Variants in MAML3 observed in about 807,000 individuals in gnomAD.
MAML3 encodes mastermind like transcriptional coactivator 3, also known as mastermind-like protein 3.
MAML3 carries 27 observed loss-of-function variants against 101.9 expected under a neutral mutation model. That is an observed-to-expected ratio of 0.27 (90% CI 0.20 to 0.37). The LOEUF is 0.37. Among genes scored for constraint, MAML3 ranks in the 10% least tolerant of loss-of-function variants. MAML3 has a pLI of 1.00. For synonymous variants in MAML3, 501 were observed against 555.9 expected, an observed-to-expected ratio of 0.90 and a Z score of 1.39; for missense variants, 1,316 against 1,444.9, an observed-to-expected ratio of 0.91 and a Z score of 1.45.
intron 2 of MAML3, among the ~76,000 whole-genome samples, chr4:139,849,133 T>C (rs1472480468): frequency 6.6e-6 from 1 of 152,220 alleles, no homozygotes; most frequent in African/African-American, 2.4e-5. Flanking sequence ...TCATCTTTTT[T>C]CAAATGGATT....
chr4:139,931,935 C>G (rs1276354544), intron 1 of MAML3, among the ~76,000 whole-genome samples: 1 of 151,872 alleles, frequency 6.6e-6, no homozygotes, highest in East Asian at 1.9e-4. Context: ...AGGAGAATTG[C>G]TTGAACCTGG....
At chr4:139,968,996 C>T (rs776555832) in intron 1 of MAML3, among the ~76,000 whole-genome samples, 102 of 151,788 alleles carry the variant, frequency 6.7e-4, no homozygotes, top group Non-Finnish European at 1.4e-3. Flanking sequence ...ACAAGCAGAG[C>T]AAGAGAAACA....
At chr4:139,793,258 T>A (rs1235051136) in intron 2 of MAML3, among the ~76,000 whole-genome samples, 1 of 152,164 alleles carries the variant, frequency 6.6e-6, no homozygotes, top group African/African-American at 2.4e-5. Context: ...CCTGCTTACA[T>A]CAGAGACCTG....
chr4:139,978,478 T>C (rs950378471), intron 1 of MAML3, among the ~76,000 whole-genome samples: 1 of 151,954 alleles, frequency 6.6e-6, no homozygotes, highest in Middle Eastern at 3.2e-3. Context: ...CCTGCAAAAA[T>C]GAAAATCTGC....
intron 2 of MAML3, among the ~76,000 whole-genome samples, chr4:139,847,097 C>T (rs1328780572): frequency 6.6e-6 from 1 of 152,192 alleles, no homozygotes; most frequent in African/African-American, 2.4e-5. Flanking sequence ...CTTGACAAAT[C>T]TCCCTCCCTC....
chr4:140,072,780 G>C (rs1446249868), intron 1 of MAML3, among the ~76,000 whole-genome samples: 3 of 152,150 alleles, frequency 2.0e-5, no homozygotes, highest in African/African-American at 7.2e-5. Context: ...TCTGTCAGGG[G>C]GTCCTGTAGC....
chr4:139,765,768 G>A (rs1105135), intron 2 of MAML3, among the ~76,000 whole-genome samples: 97,224 of 151,922 alleles, frequency 0.64, 32,598 homozygotes, highest in South Asian at 0.77. Context: ...CAGGAGGATC[G>A]CTCCAGGAGT....
intron 1 of MAML3, among the ~76,000 whole-genome samples, chr4:140,121,993 C>T (rs1486382148): frequency 1.3e-5 from 2 of 152,170 alleles, no homozygotes; most frequent in Admixed American, 6.5e-5. Flanking sequence ...CTTCTCCTTG[C>T]TGCCCCCATT....
At chr4:140,061,308 G>C (rs1210420109) in intron 1 of MAML3, among the ~76,000 whole-genome samples, 2 of 152,224 alleles carry the variant, frequency 1.3e-5, no homozygotes, top group Non-Finnish European at 2.9e-5. Flanking sequence ...TTATCAGAGA[G>C]AGAGATCTGC....
chr4:139,749,980 C>A (rs1207632205), intron 2 of MAML3, among the ~76,000 whole-genome samples: 1 of 149,038 alleles, frequency 6.7e-6, no homozygotes, highest in East Asian at 2.0e-4. Flanking sequence ...GCTATCATTT[C>A]ATTAATATGG....
intron 2 of MAML3, among the ~76,000 whole-genome samples, chr4:139,812,970 T>C (rs1469518744): frequency 2.2e-5 from 1 of 44,670 alleles, no homozygotes; most frequent in African/African-American, 1.0e-4. Context: ...TTCTCAGAAA[T>C]GTAAAAAAAA....
At chr4:140,070,842 T>C (rs1727639516) in intron 1 of MAML3, among the ~76,000 whole-genome samples, 1 of 152,206 alleles carries the variant, frequency 6.6e-6, no homozygotes, top group African/African-American at 2.4e-5. Context: ...TTGGTTAAGA[T>C]AGTCATCCAT....
intron 1 of MAML3, among the ~76,000 whole-genome samples, chr4:139,959,015 G>A (rs1733961187): frequency 6.6e-6 from 1 of 152,140 alleles, no homozygotes; most frequent in Non-Finnish European, 1.5e-5. Flanking sequence ...TTGCAGTTCT[G>A]AGACCATTTT....
At chr4:139,761,718 C>G (rs1177572044) in intron 2 of MAML3, among the ~76,000 whole-genome samples, 2 of 151,918 alleles carry the variant, frequency 1.3e-5, no homozygotes, top group Non-Finnish European at 2.9e-5. Context: ...GGCCCCTCAA[C>G]AGATGCCTGT....
At chr4:140,070,115 CAAAT>C (rs60471093) in intron 1 of MAML3, among the ~76,000 whole-genome samples, 23 of 149,866 alleles carry the variant, frequency 1.5e-4, no homozygotes, top group East Asian at 5.9e-4. Context: ...GACTCCATCT[CAAAT>C]AAATAAATAA....
At chr4:139,722,918 A>G (rs921275396) in intron 4 of MAML3, among the ~76,000 whole-genome samples, 8 of 152,190 alleles carry the variant, frequency 5.3e-5, no homozygotes, top group African/African-American at 1.9e-4. Context: ...TATATCTCAA[A>G]CCAATCAGTT....
intron 1 of MAML3, among the ~76,000 whole-genome samples, chr4:139,993,289 T>A (rs1349232802): frequency 6.6e-6 from 1 of 150,390 alleles, no homozygotes; most frequent in African/African-American, 2.4e-5. Context: ...GAGGTGGAGG[T>A]TGCAGTGAGC....
Position 139,890,905 on chromosome 4 carries a change from C to G in MAML3, c.531G>C (p.Gln177His), listed in dbSNP as rs1210615115. 7 of 1,613,624 alleles carry G rather than the reference C, an allele frequency of 4.3e-6. No individual in the cohort carries two copies. In the Admixed American group the frequency reaches 6.7e-5, roughly 15 times the overall value. The change falls in exon 2 of 5, where the codon CAG becomes CAC. Residue 177 changes from glutamine to histidine, a missense_variant. By Grantham distance (24) the Gln-to-His change is conservative. Coordinates refer to ENST00000509479, the MANE Select transcript of MAML3 (RefSeq NM_018717.5). This position sits in a 1 kb window ranked among gnomAD's most constrained non-coding sequence, Gnocchi z 4.1. ...GARSPLNGDQ[Q>H]NGACDGNFSP... ...AAAAATTCCCATCACAAGCACCATT[C>G]TGCTGGTCTCCATTAAGTGGTGATC...
chr4:140,090,485 T>C (rs1459673432), intron 1 of MAML3, among the ~76,000 whole-genome samples: 1 of 152,218 alleles, frequency 6.6e-6, no homozygotes, highest in Non-Finnish European at 1.5e-5. Context: ...TACCTACAGC[T>C]GAAGTGCTAC....
Sources: allele counts gnomAD v4.1 joint callset (sites outside exome capture counted in the v4.1 genomes callset), GRCh38; gene constraint gnomAD v4.1.1; non-coding constraint Gnocchi (gnomAD v3.1); transcripts MANE v1.5; gene names NCBI Gene and HGNC (gene_info 2026-07-23, HGNC 2026-07-21).